The following TASP1 variants were observed in gnomAD, a reference collection of about 807,000 sequenced individuals.
The protein encoded by TASP1 is threonine aspartase 1.
TASP1 carries 16 observed loss-of-function variants against 56.6 expected under a neutral mutation model. The ratio of observed to expected loss-of-function variants is 0.28; its 90% CI spans 0.19 to 0.43. The LOEUF is 0.43. TASP1 is among the 20% of genes least tolerant of loss of function. The probability of loss-of-function intolerance (pLI) is 1.00; values close to 1 mark genes in which losing one functional copy is unlikely to be tolerated. For missense variants in TASP1, 393 were observed against 511.6 expected (o/e 0.77, Z 2.24); for synonymous variants, 179 against 184.2 (o/e 0.97, Z 0.23).
At chr20:13,404,891 T>A (rs190313443) in intron 13 of TASP1, among the ~76,000 whole-genome samples, 9 of 152,302 alleles carry the variant, frequency 5.9e-5, no homozygotes. Context: ...ATAAAAAATA[T>A]TTTTAGCACA....
chr20:13,373,908 G>A, the TASP1 span, among the ~76,000 whole-genome samples: 1 of 152,004 alleles, frequency 6.6e-6, no homozygotes, highest in Admixed American at 6.6e-5. Flanking sequence ...GTGTTCCACA[G>A]TTTCTCAAGG....
At chr20:13,606,300 T>G (rs1601419152) in intron 4 of TASP1, among the ~76,000 whole-genome samples, 1 of 152,048 alleles carries the variant, frequency 6.6e-6, no homozygotes, top group East Asian at 1.9e-4. Context: ...CATGGCTTTC[T>G]CCCCCATTTC....
At chr20:13,117,584 A>G in the TASP1 span, 8 of 1,613,778 alleles carry the variant, frequency 5.0e-6, no homozygotes, top group Non-Finnish European at 6.8e-6. Flanking sequence ...ACATAGATGA[A>G]GCTCACAGTA....
chr20:13,171,831 A>G, the TASP1 span, among the ~76,000 whole-genome samples: 1 of 152,150 alleles, frequency 6.6e-6, no homozygotes, highest in East Asian at 1.9e-4. Flanking sequence ...TGAAACAGAC[A>G]ATTCCTGGAA....
At chr20:13,106,727 T>TA in the TASP1 span, among the ~76,000 whole-genome samples, 1 of 152,180 alleles carries the variant, frequency 6.6e-6, no homozygotes, top group Non-Finnish European at 1.5e-5. Context: ...TACGTGCCAT[T>TA]AATCCTCTCC....
the TASP1 span, among the ~76,000 whole-genome samples, chr20:13,361,876 T>C: frequency 6.6e-6 from 1 of 152,158 alleles, no homozygotes; most frequent in African/African-American, 2.4e-5. Flanking sequence ...TGAATCTCCT[T>C]AGGCATTCTC....
intron 10 of TASP1, among the ~76,000 whole-genome samples, chr20:13,489,951 C>T (rs747478664): frequency 1.3e-5 from 2 of 152,140 alleles, no homozygotes; most frequent in Non-Finnish European, 2.9e-5. Context: ...GGACCAAATG[C>T]ATTCTTAAAC....
chr20:13,390,520 T>G, intron 13 of TASP1, 68 bp from the exon 14 acceptor site: 1 of 1,450,048 alleles, frequency 6.9e-7, no homozygotes, highest in Non-Finnish European at 9.6e-7. Context: ...CCCCTACCCG[T>G]GTCCAAAAAA....
chr20:13,328,443 A>C, the TASP1 span, among the ~76,000 whole-genome samples: 1 of 152,142 alleles, frequency 6.6e-6, no homozygotes, highest in Non-Finnish European at 1.5e-5. Context: ...TTGACCAGCA[A>C]TCCCATTACT....
At chr20:13,128,971 G>A in the TASP1 span, among the ~76,000 whole-genome samples, 4 of 151,554 alleles carry the variant, frequency 2.6e-5, no homozygotes, top group Admixed American at 2.0e-4. Context: ...CCGCCTCCTG[G>A]GTTCAAGCAA....
the TASP1 span, among the ~76,000 whole-genome samples, chr20:13,106,657 A>G: frequency 6.6e-6 from 1 of 152,164 alleles, no homozygotes; most frequent in Non-Finnish European, 1.5e-5. Context: ...CTCAGTTGCC[A>G]ATAATAATCA....
Position 13,490,919 on chromosome 20 carries a change from G to A in TASP1, c.875-7582C>T, listed in dbSNP as rs2043504729. 5.9e-5 allele frequency among the ~76,000 whole-genome samples: 9 copies of A among 152,112 alleles called. No homozygotes were observed. In the South Asian group the frequency reaches 1.9e-3, roughly 32 times the overall value. On this transcript the variant is annotated intron_variant, in intron 10 of 13. Transcript: ENST00000337743. ...TAGCATGGAGTTGACCATAGAGTAA[G>A]CACTTAATAAATACTACTATGATGA...
At chr20:13,124,300 A>G in the TASP1 span, among the ~76,000 whole-genome samples, 1 of 151,824 alleles carries the variant, frequency 6.6e-6, no homozygotes, top group Non-Finnish European at 1.5e-5. Flanking sequence ...TGCTGGAAGG[A>G]AAGATGGAAG....
downstream of TASP1, chr20:13,389,363 T>C (rs2041195781): frequency 1.3e-5 from 2 of 152,220 alleles, no homozygotes; most frequent in Non-Finnish European, 2.9e-5. Flanking sequence ...GAGAACATTT[T>C]ATAAACAAAA....
Position 13,629,815 on chromosome 20 carries a change from C to A in TASP1, c.145+119G>T. 4 of 1,466,304 alleles carry A rather than the reference C, an allele frequency of 2.7e-6. No individual in the cohort carries two copies. The East Asian group carries it at 9.2e-5, about 34-fold the overall frequency. 90.8% of individuals were successfully genotyped at this position (1,466,304 alleles called of 1,614,324 possible). ...CCAAGTCAAACAATCGCTTTGCTTCCAATTCCTCTCTGGCAGTTTTGCCTC... is the reference window on the plus strand; with the variant it reads ...CCAAGTCAAACAATCGCTTTGCTTCAAATTCCTCTCTGGCAGTTTTGCCTC... On this transcript the variant is annotated intron_variant, in intron 2 of 13. Transcript: ENST00000337743.
At chr20:13,473,194 G>A (rs1182427249) in intron 11 of TASP1, among the ~76,000 whole-genome samples, 3 of 152,136 alleles carry the variant, frequency 2.0e-5, no homozygotes, top group Non-Finnish European at 2.9e-5. Flanking sequence ...GTAGTGACAT[G>A]GATGAAGCTG....
chr20:13,180,457 C>T, the TASP1 span, among the ~76,000 whole-genome samples: 70 of 152,234 alleles, frequency 4.6e-4, no homozygotes, highest in East Asian at 8.1e-3. Context: ...ATCTTCTGGG[C>T]AAAAATTAAG....
the TASP1 span, among the ~76,000 whole-genome samples, chr20:13,269,929 G>GTGGAAGGATGGA: frequency 2.6e-5 from 2 of 77,874 alleles, no homozygotes; most frequent in Non-Finnish European, 5.4e-5. Flanking sequence ...GGGTGTGTGG[G>GTGGAAGGATGGA]TGGAAGGATG....
At chr20:13,119,111 G>A in the TASP1 span, among the ~76,000 whole-genome samples, 1 of 152,154 alleles carries the variant, frequency 6.6e-6, no homozygotes, top group Non-Finnish European at 1.5e-5. Flanking sequence ...AGGAGCAGAG[G>A]GTCTCAAATT....
Sources: gnomAD v4.1 joint callset for allele counts (sites outside exome capture counted in the v4.1 genomes callset) on GRCh38, gnomAD v4.1.1 for gene constraint, MANE v1.5 for transcripts, NCBI Gene and HGNC (gene_info 2026-07-23, HGNC 2026-07-21) for gene names.